ESD: variants seen among roughly 807,000 people sequenced by gnomAD.
The protein encoded by ESD is S-formylglutathione hydrolase.
A neutral mutation model predicts 38.1 loss-of-function variants in ESD; 34 were observed. The observed-to-expected ratio is 0.89, with a 90% CI of 0.68 to 1.19. The LOEUF (loss-of-function observed/expected upper bound fraction) is 1.19, where lower values mean the gene tolerates loss of function less well. Among genes scored for constraint, ESD ranks in the 50% most tolerant of loss-of-function variants. The pLI is 0.00. For synonymous variants in ESD, 97 were observed against 107.0 expected (o/e 0.91, Z 0.58); for missense variants, 334 against 327.2 (o/e 1.02, Z -0.16).
At chr13:46,790,081 A>G (rs1875344081) in intron 3 of ESD, among the ~76,000 whole-genome samples, 1 of 150,310 alleles carries the variant, frequency 6.7e-6, no homozygotes, top group African/African-American at 2.5e-5. Flanking sequence ...ACCTCAGGTG[A>G]TCTGCCTGCC....
intron 3 of ESD, among the ~76,000 whole-genome samples, chr13:46,787,857 A>C (rs1403281830): frequency 6.6e-6 from 1 of 151,944 alleles, no homozygotes. Context: ...CATATTCCAG[A>C]GATAATTAAT....
intron 2 of ESD, among the ~76,000 whole-genome samples, chr13:46,792,737 A>G (rs1875440927): frequency 6.6e-6 from 1 of 152,056 alleles, no homozygotes; most frequent in South Asian, 2.1e-4. Flanking sequence ...ATAAACTCCC[A>G]TGAGATGTTA....
Position 46,777,577 on chromosome 13 carries a change from A to T in ESD, c.647T>A (p.Leu216Gln), listed in dbSNP as rs763785998. ...HLVKSYPGSQ[L>Q]DILIDQGKDD... ...TTTCCCTTGATCAATTAGTATGTCC[A>T]GCTGAGATCCTGGATAGGATTTCAC... The change falls in exon 9 of 10, where the codon CTG (leucine) becomes CAG (glutamine). Residue 216 changes from leucine (L) to glutamine (Q), a missense_variant. Transcript: ENST00000378720. 1.2e-6 allele frequency: 2 copies of T among 1,610,584 alleles called. No individual in the cohort carries two copies. The highest frequency in any genetic ancestry group is 1.7e-6 in the Non-Finnish European group (2 of 1,177,832).
rs1045602254 is a variant in ESD at position 46,797,128 on chromosome 13, G to A, written c.-79C>T. ...ACCTACGGTGGCGGAGTGACCAGAAGAAGCGGGCCGAAGTAAAAGGCGGGG... is the reference window on the plus strand; with the variant it reads ...ACCTACGGTGGCGGAGTGACCAGAAAAAGCGGGCCGAAGTAAAAGGCGGGG... On this transcript the variant is annotated 5_prime_UTR_variant, in exon 1 of 10. Transcript: ENST00000378720. 1 of 152,398 alleles carries A rather than the reference G, an allele frequency of 6.6e-6. No homozygotes were observed. Among genetic ancestry groups the A allele is most frequent in the Non-Finnish European group, 1.5e-5 (1 of 68,174 alleles). 9.4% of individuals were successfully genotyped at this position (152,398 alleles called of 1,614,324 possible). A position where few individuals can be genotyped will look rare whatever the true frequency, so the allele number is the denominator to read the frequency against.
intron 9 of ESD, chr13:46,775,490 AT>A (rs1185272238): frequency 5.6e-6 from 2 of 359,430 alleles, no homozygotes; most frequent in Admixed American, 4.2e-5. Flanking sequence ...AAATACAGTT[AT>A]ACTATACTTG....
chr13:46,777,354 A>G, intron 9 of ESD, 102 bp downstream of exon 9: 1 of 897,326 alleles, frequency 1.1e-6, no homozygotes, highest in Non-Finnish European at 1.6e-6. Context: ...ACTTACTAGA[A>G]GTAGCATTTT....
At chr13:46,794,498 T>A (rs992221476) in intron 1 of ESD, among the ~76,000 whole-genome samples, 8 of 118,070 alleles carry the variant, frequency 6.8e-5, no homozygotes, top group African/African-American at 2.3e-4. Context: ...ACTGGAATAT[T>A]TTTTTTTTTA....
At chr13:46,788,671 A>G (rs1486197809) in intron 3 of ESD, among the ~76,000 whole-genome samples, 1 of 140,368 alleles carries the variant, frequency 7.1e-6, no homozygotes, top group Non-Finnish European at 1.5e-5. Context: ...CTTATGTAAA[A>G]GCAAAAAAAA....
intron 9 of ESD, among the ~76,000 whole-genome samples, chr13:46,772,842 G>A (rs1258332791): frequency 1.3e-5 from 2 of 152,102 alleles, no homozygotes; most frequent in Non-Finnish European, 2.9e-5. Context: ...ATGCCACCAT[G>A]CCCAGCTAAT....
At position 46,771,271 on chromosome 13, in the gene ESD, T is replaced by C. The variant is rs1485377391; in HGVS notation, c.*145A>G. ...AAATCAGAAGTAGGTTTTATATCTTTATTCAGAGGTGATTCAACTATAGAA... is the reference window on the plus strand; with the variant it reads ...AAATCAGAAGTAGGTTTTATATCTTCATTCAGAGGTGATTCAACTATAGAA... On this transcript the variant is annotated 3_prime_UTR_variant, in exon 10 of 10. Transcript: ENST00000378720. 3.8e-6 allele frequency: 2 copies of C among 521,044 alleles called. No individual in the cohort carries two copies. Among genetic ancestry groups the C allele is most frequent in the Admixed American group, 3.7e-5 (1 of 27,394 alleles). The allele number at this position is 521,044 out of a possible 1,614,324, so 32.3% of individuals were successfully genotyped here. A position where few individuals can be genotyped will look rare whatever the true frequency, so the allele number is the denominator to read the frequency against.
chr13:46,774,768 T>A (rs1270188079), intron 9 of ESD, among the ~76,000 whole-genome samples: 2 of 152,186 alleles, frequency 1.3e-5, no homozygotes, highest in Non-Finnish European at 2.9e-5. Flanking sequence ...ATTAAATCTC[T>A]TCAGTGTATA....
At chr13:46,784,464 C>T (rs1374443677) in intron 4 of ESD, 114 bp from the exon 5 acceptor site, 3 of 684,920 alleles carry the variant, frequency 4.4e-6, no homozygotes, top group African/African-American at 1.8e-5. Flanking sequence ...TGAAAAACTA[C>T]CAGTTAGGTA....
Position 46,771,407 on chromosome 13 carries a change from G to T in ESD, c.*9C>A. The T allele has an allele frequency of 6.5e-7, 1 of 1,547,974 alleles. No individual in the cohort carries two copies. The highest frequency in any genetic ancestry group is 2.3e-5 in the East Asian group (1 of 42,896). On this transcript the variant is annotated 3_prime_UTR_variant, in exon 10 of 10. Coordinates refer to ENST00000378720, the MANE Select transcript of ESD (RefSeq NM_001984.2). ...TAATCCTGAAGAGATTCTCTTATTT[G>T]GAGTTTTTTCATGCATTCAGGTATT...
intron 4 of ESD, 93 bp downstream of exon 4, chr13:46,786,928 A>C: frequency 4.2e-6 from 3 of 717,702 alleles, no homozygotes; most frequent in Non-Finnish European, 6.1e-6. Flanking sequence ...TAAATGGCTC[A>C]AAAAGCCTAC....
At chr13:46,783,207 T>C (rs1312095901) in intron 5 of ESD, among the ~76,000 whole-genome samples, 1 of 151,924 alleles carries the variant, frequency 6.6e-6, no homozygotes, top group Non-Finnish European at 1.5e-5. Context: ...CAGCACTTTT[T>C]AAATTCTCTT....
At chr13:46,774,187 C>T (rs1227010091) in intron 9 of ESD, among the ~76,000 whole-genome samples, 3 of 151,888 alleles carry the variant, frequency 2.0e-5, no homozygotes, top group African/African-American at 7.3e-5. Flanking sequence ...CAAGGTAAAC[C>T]CAGGAATATA....
At chr13:46,782,867 T>A (rs1875057843) in intron 5 of ESD, 76 bp from the exon 6 acceptor site, 1 of 1,547,150 alleles carries the variant, frequency 6.5e-7, no homozygotes, top group Non-Finnish European at 8.8e-7. Context: ...TTCAGATGAA[T>A]CTGCAAGTCC....
chr13:46,775,479 G>T, intron 9 of ESD: 2 of 294,556 alleles, frequency 6.8e-6, no homozygotes, highest in South Asian at 6.3e-5. Context: ...ATCCCACAAG[G>T]AAATACAGTT....
In ESD at chr13:46,771,436, C is replaced by T; in HGVS notation, c.829G>A (p.Ala277Thr). Reference sequence around the variant, plus strand: ...TTTTTTCATGCATTCAGGTATTTAGCATGATGTCTGATGTGGTCAGTAATA... The same window carrying T: ...TTTTTTCATGCATTCAGGTATTTAGTATGATGTCTGATGTGGTCAGTAATA... ...TFITDHIRHH[A>T]KYLNA The change falls in exon 10 of 10, where the codon GCT becomes ACT. Residue 277 changes from alanine to threonine, a missense_variant. Ala to Thr is a moderately conservative substitution (Grantham distance 58, BLOSUM62 0). Coordinates refer to ENST00000378720, the MANE Select transcript of ESD (RefSeq NM_001984.2). 1 of 1,604,070 alleles carries T rather than the reference C, an allele frequency of 6.2e-7. No individual in the cohort carries two copies. The highest frequency in any genetic ancestry group is 8.5e-7 in the Non-Finnish European group (1 of 1,173,270).
Sources: gnomAD v4.1 joint callset for allele counts (sites outside exome capture counted in the v4.1 genomes callset) on GRCh38, gnomAD v4.1.1 for gene constraint, MANE v1.5 for transcripts, NCBI Gene and HGNC (gene_info 2026-07-23, HGNC 2026-07-21) for gene names.